The following LRMDA variants were observed in gnomAD, a reference collection of about 807,000 sequenced individuals.
The protein encoded by LRMDA is leucine rich melanocyte differentiation associated.
LRMDA carries 18 observed loss-of-function variants against 29.8 expected under a neutral mutation model. The ratio of observed to expected loss-of-function variants is 0.60; its 90% CI spans 0.42 to 0.90. The LOEUF is 0.90. Ranked by LOEUF, LRMDA falls within the 40% of genes least tolerant of loss-of-function variation. LRMDA has a pLI of 0.00. For synonymous variants in LRMDA, 125 were observed against 109.4 expected, an observed-to-expected ratio of 1.14 and a Z score of -0.89; for missense variants, 273 against 273.9, an observed-to-expected ratio of 1.00 and a Z score of 0.02.
chr10:76,377,000 C>G (rs1184253625), intron 6 of LRMDA, among the ~76,000 whole-genome samples: 1 of 150,626 alleles, frequency 6.6e-6, no homozygotes, highest in Non-Finnish European at 1.5e-5. Context: ...ATTCTCCTGC[C>G]TCAGCCTCCT....
intron 2 of LRMDA, among the ~76,000 whole-genome samples, chr10:75,762,131 A>T (rs983309142): frequency 2.8e-4 from 42 of 152,172 alleles, no homozygotes; most frequent in African/African-American, 1.0e-3. Context: ...TTTTTGAAGG[A>T]TCTCAAGGTT....
intron 6 of LRMDA, among the ~76,000 whole-genome samples, chr10:76,329,095 TCCATGCGTTG>T (rs1324802573): frequency 6.6e-6 from 1 of 152,326 alleles, no homozygotes; most frequent in African/African-American, 2.4e-5. Context: ...ATTGCTGTTA[TCCATGCGTTG>T]CCCTGCTCCT....
At chr10:75,848,981 T>G (rs1447999483) in intron 2 of LRMDA, among the ~76,000 whole-genome samples, 2 of 152,150 alleles carry the variant, frequency 1.3e-5, no homozygotes, top group African/African-American at 4.8e-5. Context: ...GGAGGCCCTG[T>G]CAGGAGACTG....
intron 2 of LRMDA, among the ~76,000 whole-genome samples, chr10:75,613,781 A>G (rs1388951721): frequency 2.6e-5 from 4 of 152,218 alleles, no homozygotes; most frequent in East Asian, 1.9e-4. Context: ...CGGTTTCTAC[A>G]GAGTACGTGA....
At chr10:75,546,848 T>C (rs1840087009) in intron 2 of LRMDA, among the ~76,000 whole-genome samples, 1 of 152,200 alleles carries the variant, frequency 6.6e-6, no homozygotes, top group South Asian at 2.1e-4. Flanking sequence ...ATGTTAAATC[T>C]ATGTAAATCT....
intron 6 of LRMDA, among the ~76,000 whole-genome samples, chr10:76,408,045 A>G (rs1841920795): frequency 2.0e-5 from 3 of 152,206 alleles, no homozygotes; most frequent in African/African-American, 7.2e-5. Flanking sequence ...TACTCCTCCC[A>G]GTGTTATCTC....
At chr10:76,461,174 G>A (rs1318631221) in intron 6 of LRMDA, among the ~76,000 whole-genome samples, 1 of 152,068 alleles carries the variant, frequency 6.6e-6, no homozygotes, top group Admixed American at 6.6e-5. Context: ...GAGTGCTCTT[G>A]GGTTATGGGA....
intron 2 of LRMDA, among the ~76,000 whole-genome samples, chr10:75,724,072 GC>G (rs1289974254): frequency 1.3e-5 from 2 of 151,714 alleles, no homozygotes; most frequent in Non-Finnish European, 2.9e-5. Context: ...TATTTTTTTT[GC>G]CATGAACCAT....
chr10:76,226,014 A>G (rs1851950952), intron 5 of LRMDA, among the ~76,000 whole-genome samples: 1 of 151,722 alleles, frequency 6.6e-6, no homozygotes, highest in Admixed American at 6.6e-5. Context: ...GCTGAGAATG[A>G]TGGTTTCCAG....
At chr10:76,153,782 G>T (rs1850490090) in intron 5 of LRMDA, among the ~76,000 whole-genome samples, 1 of 152,164 alleles carries the variant, frequency 6.6e-6, no homozygotes, top group African/African-American at 2.4e-5. Flanking sequence ...CTTGGCAATA[G>T]AAATTTAGTG....
rs1239034542 is a variant in LRMDA at position 76,554,017 on chromosome 10, G to A, written c.602-3192G>A. 2.6e-5 allele frequency among the ~76,000 whole-genome samples: 4 copies of A among 152,074 alleles called. No homozygotes were observed. In the South Asian group the frequency reaches 6.2e-4, roughly 24 times the overall value. On this transcript the variant is annotated intron_variant, in intron 6 of 6. Coordinates refer to ENST00000611255, the MANE Select transcript of LRMDA (RefSeq NM_001305581.2). Reference sequence around the variant, plus strand: ...AAGTAGCCAAGATATCAGTGGGGTCGGGCGTGCTCCTCCTGCAAATTCCAA... The same window carrying A: ...AAGTAGCCAAGATATCAGTGGGGTCAGGCGTGCTCCTCCTGCAAATTCCAA...
At chr10:75,443,050 G>A (rs1048485588) in intron 2 of LRMDA, among the ~76,000 whole-genome samples, 1 of 152,010 alleles carries the variant, frequency 6.6e-6, no homozygotes, top group Non-Finnish European at 1.5e-5. Flanking sequence ...ATTTTTGTGT[G>A]TTGATTTTGT....
At chr10:75,580,184 G>A (rs1257874369) in intron 2 of LRMDA, among the ~76,000 whole-genome samples, 2 of 152,160 alleles carry the variant, frequency 1.3e-5, no homozygotes, top group East Asian at 1.9e-4. Context: ...CATTGTCTCA[G>A]CCCAAAATCT....
chr10:75,843,951 G>A (rs188396776), intron 2 of LRMDA, among the ~76,000 whole-genome samples: 177 of 152,218 alleles, frequency 1.2e-3, no homozygotes, highest in African/African-American at 4.0e-3. Flanking sequence ...GAGATAGAGA[G>A]TCTTGAATAG....
intron 2 of LRMDA, among the ~76,000 whole-genome samples, chr10:75,999,732 CA>C (rs777612102): frequency 1.3e-5 from 2 of 151,896 alleles, no homozygotes; most frequent in African/African-American, 2.4e-5. Flanking sequence ...CATCAACTAC[CA>C]AAAAAAATTC....
At chr10:75,465,205 C>G (rs1844633780) in intron 2 of LRMDA, among the ~76,000 whole-genome samples, 1 of 152,204 alleles carries the variant, frequency 6.6e-6, no homozygotes, top group Non-Finnish European at 1.5e-5. Flanking sequence ...GTAGCAGAAA[C>G]CCTTGTCACT....
intron 2 of LRMDA, among the ~76,000 whole-genome samples, chr10:75,937,321 C>G (rs1327797929): frequency 6.6e-6 from 1 of 152,162 alleles, no homozygotes; most frequent in Non-Finnish European, 1.5e-5. Flanking sequence ...TTTAGATAAG[C>G]CTTGAAGAGA....
At chr10:76,519,435 G>A (rs1843097153) in intron 6 of LRMDA, among the ~76,000 whole-genome samples, 1 of 152,122 alleles carries the variant, frequency 6.6e-6, no homozygotes, top group African/African-American at 2.4e-5. Context: ...AGCATTTCTT[G>A]TAAAGTCAAA....
At chr10:75,637,296 A>C (rs1841400713) in intron 2 of LRMDA, among the ~76,000 whole-genome samples, 1 of 152,210 alleles carries the variant, frequency 6.6e-6, no homozygotes, top group African/African-American at 2.4e-5. Context: ...AATACTGTGA[A>C]TATTACCTGT....
Sources: allele counts gnomAD v4.1 joint callset (sites outside exome capture counted in the v4.1 genomes callset), GRCh38; gene constraint gnomAD v4.1.1; transcripts MANE v1.5; gene names NCBI Gene and HGNC (gene_info 2026-07-23, HGNC 2026-07-21).